The following ZZZ3 variants were observed in gnomAD, a reference collection of about 807,000 sequenced individuals.
ZZZ3 encodes zinc finger ZZ-type containing 3.
In ZZZ3, 22 loss-of-function variants were observed where a neutral mutation model predicts 95.2. The observed-to-expected ratio is 0.23, with a 90% CI of 0.17 to 0.33. ZZZ3 has a LOEUF of 0.33. ZZZ3 is among the 10% of genes least tolerant of loss of function. ZZZ3 has a pLI of 1.00. For synonymous variants in ZZZ3, 335 were observed against 358.9 expected, an observed-to-expected ratio of 0.93 and a Z score of 0.75; for missense variants, 885 against 1,066.5, an observed-to-expected ratio of 0.83 and a Z score of 2.37.
chr1:77,589,839 G>A (rs1402922414), intron 5 of ZZZ3, among the ~76,000 whole-genome samples: 1 of 152,136 alleles, frequency 6.6e-6, no homozygotes, highest in Admixed American at 6.5e-5. Context: ...AGGAAGGCGT[G>A]CAGGAGGGAG....
intron 3 of ZZZ3, among the ~76,000 whole-genome samples, chr1:77,640,615 AAAG>A (rs1486874068): frequency 1.3e-5 from 2 of 151,910 alleles, no homozygotes; most frequent in Admixed American, 6.6e-5. Flanking sequence ...AAAAAAAAAA[AAAG>A]AGAGAATGTA....
chr1:77,626,932 T>G (rs1357446150), intron 5 of ZZZ3, among the ~76,000 whole-genome samples: 1 of 152,216 alleles, frequency 6.6e-6, no homozygotes. Flanking sequence ...CATGAAAGTA[T>G]TTCATTCAAT....
At chr1:77,666,813 G>C (rs1450537433) in intron 1 of ZZZ3, among the ~76,000 whole-genome samples, 2 of 152,076 alleles carry the variant, frequency 1.3e-5, no homozygotes, top group Non-Finnish European at 2.9e-5. Flanking sequence ...TACTATTTTA[G>C]GTAGTAAAAT....
intron 1 of ZZZ3, among the ~76,000 whole-genome samples, chr1:77,672,089 G>C (rs369609363): frequency 1.3e-5 from 2 of 152,136 alleles, no homozygotes; most frequent in East Asian, 1.9e-4. Context: ...TTTATTTCTT[G>C]AATTTCCCAT....
chr1:77,627,420 G>A (rs1371036443), intron 5 of ZZZ3, among the ~76,000 whole-genome samples: 1 of 151,928 alleles, frequency 6.6e-6, no homozygotes, highest in Non-Finnish European at 1.5e-5. Flanking sequence ...AGTTTTTCTG[G>A]CCCCTTGAAA....
rs766742561 is a variant in ZZZ3 at position 77,581,836 on chromosome 1, G to A, written c.1848C>T (p.Ser616=). Residue 616 remains serine, a synonymous_variant, in exon 8 of 15, where the codon TCC becomes TCT. Transcript: ENST00000370801. ...TCAAAGGCAACATAGAATATGAAAG[G>A]GACTCTCCATCCTTCTTAGGATCTA... ...SPLDPKKDGE[S]LSYSMLPLSD... is the part of the protein sequence containing the mutation. 11 of 1,613,850 alleles carry A rather than the reference G, an allele frequency of 6.8e-6. No individual in the cohort carries two copies. The highest frequency in any genetic ancestry group is 1.1e-5 in the South Asian group (1 of 91,064).
intron 1 of ZZZ3, among the ~76,000 whole-genome samples, chr1:77,658,222 C>A (rs547280807): frequency 4.1e-5 from 6 of 146,710 alleles, no homozygotes; most frequent in African/African-American, 7.5e-5. Flanking sequence ...CTAGTGTATT[C>A]TCTTCCATTC....
At chr1:77,638,935 C>T (rs1179479436) in intron 4 of ZZZ3, among the ~76,000 whole-genome samples, 1 of 152,084 alleles carries the variant, frequency 6.6e-6, no homozygotes, top group Non-Finnish European at 1.5e-5. Context: ...GGTAACCCAC[C>T]CATGCAATTC....
chr1:77,657,000 C>T (rs1670325467), intron 1 of ZZZ3, among the ~76,000 whole-genome samples: 1 of 152,052 alleles, frequency 6.6e-6, no homozygotes, highest in Non-Finnish European at 1.5e-5. Context: ...ACTTACTTTT[C>T]GAGACAGTCT....
At chr1:77,581,492 T>C (rs1428169686) in intron 8 of ZZZ3, among the ~76,000 whole-genome samples, 1 of 152,202 alleles carries the variant, frequency 6.6e-6, no homozygotes, top group Non-Finnish European at 1.5e-5. Context: ...ACATTGCATA[T>C]ACTACCTATT....
intron 1 of ZZZ3, among the ~76,000 whole-genome samples, chr1:77,672,371 A>G (rs992552995): frequency 2.6e-5 from 4 of 152,160 alleles, no homozygotes; most frequent in African/African-American, 9.7e-5. Context: ...TGCATTTGTA[A>G]AATTCCCAAG....
chr1:77,584,167 C>G (rs1291126605), intron 6 of ZZZ3, among the ~76,000 whole-genome samples: 1 of 152,050 alleles, frequency 6.6e-6, no homozygotes, highest in Non-Finnish European at 1.5e-5. Flanking sequence ...TTCTGAAGTA[C>G]TTTTTTCTTT....
chr1:77,603,712 A>G (rs1341290882), intron 5 of ZZZ3, among the ~76,000 whole-genome samples: 2 of 152,142 alleles, frequency 1.3e-5, no homozygotes, highest in Admixed American at 6.5e-5. Context: ...TTTTATACTC[A>G]AGGTCTAATA....
intron 12 of ZZZ3, among the ~76,000 whole-genome samples, chr1:77,573,324 GT>G (rs1661602169): frequency 6.6e-6 from 1 of 151,174 alleles, no homozygotes; most frequent in Non-Finnish European, 1.5e-5. Flanking sequence ...GTTTTACCAT[GT>G]TGGCCAGGCT....
At chr1:77,670,824 T>C (rs1439555244) in intron 1 of ZZZ3, among the ~76,000 whole-genome samples, 1 of 150,974 alleles carries the variant, frequency 6.6e-6, no homozygotes, top group Non-Finnish European at 1.5e-5. Context: ...CATGCGGGTA[T>C]GCATGATAAA....
chr1:77,620,128 G>A (rs1473659101), intron 5 of ZZZ3, among the ~76,000 whole-genome samples: 1 of 152,104 alleles, frequency 6.6e-6, no homozygotes, highest in African/African-American at 2.4e-5. Flanking sequence ...TCTAAATTCA[G>A]AAAGGCTTTG....
intron 5 of ZZZ3, among the ~76,000 whole-genome samples, chr1:77,613,015 C>T (rs951751914): frequency 9.9e-5 from 15 of 151,954 alleles, no homozygotes; most frequent in Non-Finnish European, 2.1e-4. Context: ...CCACTTACTA[C>T]CTATATGTAT....
intron 5 of ZZZ3, among the ~76,000 whole-genome samples, chr1:77,588,242 TCA>T (rs1663304530): frequency 6.6e-6 from 1 of 152,170 alleles, no homozygotes; most frequent in Admixed American, 6.5e-5. Flanking sequence ...AACTCAATCC[TCA>T]CAATAAATTT....
chr1:77,639,001 T>C (rs1668533588), intron 4 of ZZZ3, among the ~76,000 whole-genome samples: 1 of 152,172 alleles, frequency 6.6e-6, no homozygotes, highest in East Asian at 1.9e-4. Flanking sequence ...TATTATGCAT[T>C]GTTTTACATA....
Sources: gnomAD v4.1 joint callset for allele counts (sites outside exome capture counted in the v4.1 genomes callset) on GRCh38, gnomAD v4.1.1 for gene constraint, MANE v1.5 for transcripts, NCBI Gene and HGNC (gene_info 2026-07-23, HGNC 2026-07-21) for gene names.